HYAL2: variants seen among roughly 807,000 people sequenced by gnomAD.
The protein encoded by HYAL2 is hyaluronidase 2, also known as hyaluronidase-2.
A neutral mutation model predicts 35.4 loss-of-function variants in HYAL2; 30 were observed. The observed-to-expected ratio is 0.85, with a 90% CI of 0.63 to 1.15. The LOEUF (loss-of-function observed/expected upper bound fraction) is 1.15, where lower values mean the gene tolerates loss of function less well. Among genes scored for constraint, HYAL2 ranks in the 50% most tolerant of loss-of-function variants. The probability of loss-of-function intolerance (pLI) is 0.00; values close to 1 mark genes in which losing one functional copy is unlikely to be tolerated. For synonymous variants in HYAL2, 262 were observed against 252.8 expected (o/e 1.04, Z -0.34); for missense variants, 635 against 646.5 (o/e 0.98, Z 0.19).
At position 50,318,507 on chromosome 3, in the gene HYAL2, T is replaced by C; in HGVS notation, c.1044A>G (p.Thr348=). 1 of 1,609,186 alleles carries C rather than the reference T, an allele frequency of 6.2e-7. No homozygotes were observed. Among genetic ancestry groups the C allele is most frequent in the Non-Finnish European group, 8.5e-7 (1 of 1,176,956 alleles). ...ETCQYLKDYL[T]RLLVPYVVNV... is the part of the protein sequence containing the mutation. ...TGACCACGTAGGGGACCAGCAGCCG[T>C]GTCAGGTAATCTTTGAGGTACTGGC... Residue 348 remains threonine (T), a synonymous_variant, in exon 4 of 4, where the codon ACA becomes ACG. Transcript: ENST00000357750. The surrounding 1 kb of genome is among the most constrained non-coding windows in gnomAD (Gnocchi z 4.5).
intron 2 of HYAL2, 65 bp from the exon 3 acceptor site, chr3:50,319,110 G>A: frequency 8.3e-7 from 1 of 1,209,412 alleles, no homozygotes. Flanking sequence ...AACAGACAAG[G>A]AGGGCAGACC....
Position 50,319,898 on chromosome 3 carries a change from G to A in HYAL2, c.592C>T (p.Arg198Trp), listed in dbSNP as rs782463118. The A allele has an allele frequency of 9.3e-6, 15 of 1,613,576 alleles. No individual in the cohort carries two copies. The highest frequency in any genetic ancestry group is 7.7e-5 in the South Asian group (7 of 91,088). Residue 198 changes from arginine (R) to tryptophan (W), a missense_variant, in exon 2 of 4, where the codon CGG becomes TGG. Transcript: ENST00000357750. ...LETLRYVKAVRPRHLWGFYLF... is the reference protein window; with the variant it reads ...LETLRYVKAVWPRHLWGFYLF... ...TAGAAGCCCCAGAGGTGCCGGGGCC[G>A]CACTGCCTTGACATAACGCAGTGTC...
In HYAL2 at chr3:50,318,102, C is replaced by T; in HGVS notation, c.*27G>A. The T allele has an allele frequency of 6.5e-7, 1 of 1,532,326 alleles. No homozygotes were observed. 94.9% of individuals were successfully genotyped at this position (1,532,326 alleles called of 1,614,324 possible). ...AGAGAGCCCTTGTGGTAGAGGCCAG[C>T]TTGCTAGGCAGCTAGGCAGGAGACC... On this transcript the variant is annotated 3_prime_UTR_variant, in exon 4 of 4. Coordinates refer to ENST00000357750, the MANE Select transcript of HYAL2 (RefSeq NM_003773.5). The surrounding 1 kb of genome is among the most constrained non-coding windows in gnomAD (Gnocchi z 4.5).
rs1553715985 is a variant in HYAL2 at position 50,318,895 on chromosome 3, A to G, written c.1011+61T>C. 6.9e-7 allele frequency: 1 copy of G among 1,449,494 alleles called. No homozygotes were observed. The highest frequency in any genetic ancestry group is 1.4e-5 in the African/African-American group (1 of 71,598). 89.8% of individuals were successfully genotyped at this position (1,449,494 alleles called of 1,614,324 possible). A position where few individuals can be genotyped will look rare whatever the true frequency, so the allele number is the denominator to read the frequency against. ...GATTGCCCACCTGAGGTTGGTAGCCAAAGGCCCTAACTCTCTGTCTGTCCC... is the reference window on the plus strand; with the variant it reads ...GATTGCCCACCTGAGGTTGGTAGCCGAAGGCCCTAACTCTCTGTCTGTCCC... On this transcript the variant is annotated intron_variant, in intron 3 of 3. Coordinates refer to ENST00000357750, the MANE Select transcript of HYAL2 (RefSeq NM_003773.5). This position sits in a 1 kb window ranked among gnomAD's most constrained non-coding sequence, Gnocchi z 4.5.
Position 50,318,903 on chromosome 3 carries a change from T to C in HYAL2, c.1011+53A>G. 6.6e-7 allele frequency: 1 copy of C among 1,505,168 alleles called. No individual in the cohort carries two copies. Among genetic ancestry groups the C allele is most frequent in the African/African-American group, 1.4e-5 (1 of 72,798 alleles). 93.2% of individuals were successfully genotyped at this position (1,505,168 alleles called of 1,614,324 possible). ...ACCTGAGGTTGGTAGCCAAAGGCCC[T>C]AACTCTCTGTCTGTCCCATAGACTG... is the stretch of plus-strand genomic sequence containing the variant. On this transcript the variant is annotated intron_variant, in intron 3 of 3. Coordinates refer to ENST00000357750, the MANE Select transcript of HYAL2 (RefSeq NM_003773.5). This position sits in a 1 kb window ranked among gnomAD's most constrained non-coding sequence, Gnocchi z 4.5.
At position 50,320,157 on chromosome 3, in the gene HYAL2, C is replaced by T. The variant is rs781783449; in HGVS notation, c.333G>A (p.Lys111=). The change falls in exon 2 of 4, where the codon AAG becomes AAA. Residue 111 remains lysine (K), a synonymous_variant. Transcript: ENST00000357750. This position sits in a 1 kb window ranked among gnomAD's most constrained non-coding sequence, Gnocchi z 4.8. The part of the protein sequence containing the change: ...PQNVSLWAHR[K]MLQKRVEHYI... The stretch of plus-strand genomic sequence containing the variant: ...AGTGCTCCACACGTTTCTGCAGCAT[C>T]TTCCGGTGTGCCCAAAGGCTGACAT... 1 of 1,613,906 alleles carries T rather than the reference C, an allele frequency of 6.2e-7. No homozygotes were observed. Among genetic ancestry groups the T allele is most frequent in the South Asian group, 1.1e-5 (1 of 91,088 alleles).
intron 1 of HYAL2, chr3:50,321,884 G>A (rs1265004193): frequency 1.3e-5 from 2 of 151,844 alleles, no homozygotes; most frequent in Non-Finnish European, 2.9e-5. Context: ...GTACTCCGAG[G>A]TTGGCAGGGG....
chr3:50,320,186 G>T lies in HYAL2; in HGVS notation c.304C>A (p.Gln102Lys). ...CGGTGTGCCCAAAGGCTGACATTCT[G>T]TGGCACACCACCATGCACAGACCTT... ...AGRSVHGGVP[Q>K]NVSLWAHRKM... The change falls in exon 2 of 4, where the codon CAG becomes AAG. Residue 102 changes from glutamine (Q) to lysine (K), a missense_variant. Physicochemically the swap from Gln to Lys is moderately conservative, Grantham distance 53. Transcript: ENST00000357750. This position sits in a 1 kb window ranked among gnomAD's most constrained non-coding sequence, Gnocchi z 4.8. 6.2e-7 allele frequency: 1 copy of T among 1,613,936 alleles called. No individual in the cohort carries two copies.
At chr3:50,319,524 A>T (rs1559831737) in intron 2 of HYAL2, 45 bp downstream of exon 2, 2 of 1,530,500 alleles carry the variant, frequency 1.3e-6, no homozygotes, top group Non-Finnish European at 1.8e-6. Flanking sequence ...TGTGCAGTGG[A>T]TCCTCAAGGA....
At chr3:50,321,814 AAG>A (rs1491346553) in intron 1 of HYAL2, 7 of 5,388 alleles carry the variant, frequency 1.3e-3, no homozygotes, top group Non-Finnish European at 1.9e-3. Context: ...GGGGGACGGG[AAG>A]GGGGGGGGGG....
In HYAL2 at chr3:50,318,554, C is replaced by T; in HGVS notation, c.1012-15G>A. 1 of 1,586,786 alleles carries T rather than the reference C, an allele frequency of 6.3e-7. No homozygotes were observed. The highest frequency in any genetic ancestry group is 8.6e-7 in the Non-Finnish European group (1 of 1,164,048). On this transcript the variant is annotated splice_polypyrimidine_tract_variant and intron_variant, in intron 3 of 3. Coordinates refer to ENST00000357750, the MANE Select transcript of HYAL2 (RefSeq NM_003773.5). The surrounding 1 kb of genome is among the most constrained non-coding windows in gnomAD (Gnocchi z 4.5). The stretch of plus-strand genomic sequence containing the variant: ...TGGCAGGTCTCCTGGAGGCAGAAGA[C>T]AAGGACCACAGGTCAGGGTCAGCTG...
intron 2 of HYAL2, 73 bp downstream of exon 2, chr3:50,319,496 G>T: frequency 7.6e-7 from 1 of 1,319,394 alleles, no homozygotes; most frequent in South Asian, 1.4e-5. Flanking sequence ...GTCCTATAGT[G>T]GCCCCTGATA....
chr3:50,321,838 A>C (rs1399871633), intron 1 of HYAL2: 5 of 119,768 alleles, frequency 4.2e-5, no homozygotes, highest in African/African-American at 1.5e-4. Flanking sequence ...GAATAGGAGG[A>C]GGCGTTGCCC....
At chr3:50,319,167 C>A (rs1702628036) in intron 2 of HYAL2, 122 bp from the exon 3 acceptor site, 1 of 641,434 alleles carries the variant, frequency 1.6e-6, no homozygotes, top group East Asian at 2.8e-5. Context: ...CCCCATTTCA[C>A]GTCCAGGCAG....
Position 50,319,155 on chromosome 3 carries a change from A to T in HYAL2, c.922-110T>A, listed in dbSNP as rs1169168169. On this transcript the variant is annotated intron_variant, in intron 2 of 3. Transcript: ENST00000357750. ...TTCAACCTGCTGAACTCCCAGCTCA[A>T]CCCCCATTTCACGTCCAGGCAGAGG... 2.3e-5 allele frequency: 16 copies of T among 700,054 alleles called. No individual in the cohort carries two copies. In the Admixed American group the frequency reaches 3.5e-4, roughly 15 times the overall value. The allele number at this position is 700,054 out of a possible 1,614,324, so 43.4% of individuals were successfully genotyped here. A position where few individuals can be genotyped will look rare whatever the true frequency, so the allele number is the denominator to read the frequency against.
In HYAL2 at chr3:50,319,995, G is replaced by C; in HGVS notation, c.495C>G (p.Asp165Glu). Reference protein sequence around the residue: ...SRQLVASRHPDWPPDRIVKQA... With the variant: ...SRQLVASRHPEWPPDRIVKQA... The stretch of plus-strand genomic sequence containing the variant: ...GTTTGACTATGCGGTCTGGAGGCCA[G>C]TCAGGGTGACGACTGGCCACTAGCT... The change falls in exon 2 of 4, where the codon GAC (aspartate) becomes GAG (glutamate). Residue 165 changes from aspartate (D) to glutamate (E), a missense_variant. Asp to Glu is a conservative substitution (Grantham distance 45). Coordinates refer to ENST00000357750, the MANE Select transcript of HYAL2 (RefSeq NM_003773.5). 5.6e-6 allele frequency: 9 copies of C among 1,613,412 alleles called. No homozygotes were observed. Among genetic ancestry groups the C allele is most frequent in the Non-Finnish European group, 7.6e-6 (9 of 1,180,036 alleles).
chr3:50,322,701 TG>T lies in HYAL2; in HGVS notation c.-96del, dbSNP rs1437396222. 2.0e-5 allele frequency: 3 copies of T among 152,198 alleles called. No homozygotes were observed. The highest frequency in any genetic ancestry group is 2.0e-4 in the Admixed American group (3 of 15,280). 9.4% of individuals were successfully genotyped at this position (152,198 alleles called of 1,614,324 possible). ...GTAGGTCGGTGGCCTCCCTCCTTCC[TG>T]GGGTGAGCCTCTCCAGCTAGGCTAC... On this transcript the variant is annotated 5_prime_UTR_variant, in exon 1 of 4. Transcript: ENST00000357750. The surrounding 1 kb of genome is among the most constrained non-coding windows in gnomAD (Gnocchi z 5.5).
rs782275676 is a variant in HYAL2, at chr3:50,320,215, G to A, written c.275C>T (p.Ala92Val). 3.7e-6 allele frequency: 6 copies of A among 1,613,852 alleles called. No individual in the cohort carries two copies. Among genetic ancestry groups the A allele is most frequent in the Non-Finnish European group, 5.1e-6 (6 of 1,180,058 alleles). Residue 92 changes from alanine (A) to valine (V), a missense_variant, in exon 2 of 4, where the codon GCC becomes GTC. By Grantham distance (64) the Ala-to-Val change is moderately conservative. Transcript: ENST00000357750. This position sits in a 1 kb window ranked among gnomAD's most constrained non-coding sequence, Gnocchi z 4.8. Reference protein sequence around the residue: ...RLGLYPRFDSAGRSVHGGVPQ... With the variant: ...RLGLYPRFDSVGRSVHGGVPQ... Reference sequence around the variant, plus strand: ...CACACCACCATGCACAGACCTTCCGGCAGAATCGAAGCGTGGATACAGGCC... The same window carrying A: ...CACACCACCATGCACAGACCTTCCGACAGAATCGAAGCGTGGATACAGGCC...
chr3:50,320,735 G>A lies in HYAL2; in HGVS notation c.-46-200C>T. ...GCCAGAAGCACAGGGCTCTTTTCTG[G>A]AGCAGGTAGCCTGTGGCTCGGCACA... On this transcript the variant is annotated intron_variant, in intron 1 of 3. Transcript: ENST00000357750. The surrounding 1 kb of genome is among the most constrained non-coding windows in gnomAD (Gnocchi z 4.8). The A allele has an allele frequency of 2.0e-6, 1 of 500,544 alleles. No homozygotes were observed. Among genetic ancestry groups the A allele is most frequent in the African/African-American group, 1.9e-5 (1 of 52,124 alleles). 31.0% of individuals were successfully genotyped at this position (500,544 alleles called of 1,614,324 possible).
Sources: gnomAD v4.1 joint callset for allele counts on GRCh38, gnomAD v4.1.1 for gene constraint, Gnocchi (gnomAD v3.1) non-coding constraint, MANE v1.5 for transcripts, NCBI Gene and HGNC (gene_info 2026-07-23, HGNC 2026-07-21) for gene names.